SH3TC2: variants seen among roughly 807,000 people sequenced by gnomAD.
SH3TC2 encodes the protein SH3 domain and tetratricopeptide repeats 2.
A neutral mutation model predicts 124.5 loss-of-function variants in SH3TC2; 87 were observed. That is an observed-to-expected ratio of 0.70 (90% CI 0.59 to 0.84). The LOEUF (loss-of-function observed/expected upper bound fraction) is 0.84. Among genes scored for constraint, SH3TC2 ranks in the 40% least tolerant of loss-of-function variants. SH3TC2 has a pLI of 0.00. For missense variants in SH3TC2, 1,536 were observed against 1,566.4 expected (o/e 0.98, Z 0.33); for synonymous variants, 634 against 628.5 (o/e 1.01, Z -0.13).
chr5:149,010,217 T>A (rs1309195977), intron 14 of SH3TC2, 53 bp downstream of exon 14: 1 of 1,613,486 alleles, frequency 6.2e-7, no homozygotes, highest in Admixed American at 1.7e-5. Context: ...AGCCTGACCC[T>A]TCCCATGCCC....
Position 148,990,558 on chromosome 5 carries a change from C to T in SH3TC2, c.*14153G>A, listed in dbSNP as rs1561750593. On this transcript the variant is annotated 3_prime_UTR_variant, in exon 17 of 17. Coordinates refer to ENST00000515425, the MANE Select transcript of SH3TC2 (RefSeq NM_024577.4). ...CCAGATCAATTGAATGCAAATTCTGCCCCTGCTACTCACAAGCTATTGGAC... is the reference window on the plus strand; with the variant it reads ...CCAGATCAATTGAATGCAAATTCTGTCCCTGCTACTCACAAGCTATTGGAC... Among the ~76,000 whole-genome samples, 1 of 152,150 alleles carries T rather than the reference C, an allele frequency of 6.6e-6. No homozygotes were observed. Among genetic ancestry groups the T allele is most frequent in the Non-Finnish European group, 1.5e-5 (1 of 68,026 alleles).
At chr5:149,035,158 G>T (rs191467775) in intron 8 of SH3TC2, among the ~76,000 whole-genome samples, 170 of 152,224 alleles carry the variant, frequency 1.1e-3, no homozygotes, top group African/African-American at 3.7e-3. Flanking sequence ...GTCAAAAATA[G>T]ATTCCACAAG....
rs886060146 is a variant in SH3TC2 at position 148,994,730 on chromosome 5, G to GGATGGATGAATA, written c.*9969_*9980dup. Among the ~76,000 whole-genome samples, 2 of 151,552 alleles carry GGATGGATGAATA rather than the reference G, an allele frequency of 1.3e-5. No individual in the cohort carries two copies. Among genetic ancestry groups the GGATGGATGAATA allele is most frequent in the Non-Finnish European group, 2.9e-5 (2 of 67,906 alleles). ...TGGATGGATGGATGGATGGATGGAT[G>GGATGGATGAATA]GATGGATGAATAGATGGATGAATAG... On this transcript the variant is annotated 3_prime_UTR_variant, in exon 17 of 17. Transcript: ENST00000515425.
chr5:148,984,369 TATTA>T lies in SH3TC2; in HGVS notation c.*20338_*20341del, dbSNP rs1753300356. On this transcript the variant is annotated 3_prime_UTR_variant, in exon 17 of 17. Transcript: ENST00000515425. ...ATTATACATTATAAATATATACAATTATTATTTATCAATTAAAAATACATTTTAA... is the reference window on the plus strand; with the variant it reads ...ATTATACATTATAAATATATACAATTTTTATCAATTAAAAATACATTTTAA... 6.6e-6 allele frequency among the ~76,000 whole-genome samples: 1 copy of T among 152,066 alleles called. No individual in the cohort carries two copies. The highest frequency in any genetic ancestry group is 1.5e-5 in the Non-Finnish European group (1 of 68,020).
intron 16 of SH3TC2, 86 bp from the exon 17 acceptor site, chr5:149,004,988 T>A: frequency 7.1e-7 from 1 of 1,403,764 alleles, no homozygotes; most frequent in Non-Finnish European, 1.0e-6. Flanking sequence ...GCCACTCTAG[T>A]TTTTTTTGTT....
Position 148,992,791 on chromosome 5 carries a change from A to G in SH3TC2, c.*11920T>C, listed in dbSNP as rs990996598. ...TCCCACTGCTCTTTAACTACATCAC[A>G]CTGAGCTAACTCATCCCTGCAACAT... On this transcript the variant is annotated 3_prime_UTR_variant, in exon 17 of 17. Transcript: ENST00000515425. 3.3e-5 allele frequency among the ~76,000 whole-genome samples: 5 copies of G among 152,008 alleles called. No individual in the cohort carries two copies. Among genetic ancestry groups the G allele is most frequent in the African/African-American group, 4.8e-5 (2 of 41,400 alleles).
rs77813804 is a variant in SH3TC2 at position 149,053,084 on chromosome 5, G to A, written c.53-844C>T. On this transcript the variant is annotated intron_variant, in intron 1 of 16. Coordinates refer to ENST00000515425, the MANE Select transcript of SH3TC2 (RefSeq NM_024577.4). Reference sequence around the variant, plus strand: ...GTCAGAATGTGATAAGTATTACCTGGTCCTGAAAAGCAGAGTTAGGGAACC... The same window carrying A: ...GTCAGAATGTGATAAGTATTACCTGATCCTGAAAAGCAGAGTTAGGGAACC... Among the ~76,000 whole-genome samples, 1,509 of 152,176 alleles carry A rather than the reference G, an allele frequency of 9.9e-3. 22 individuals are homozygous for A. The highest frequency in any genetic ancestry group is 0.034 in the African/African-American group (1,428 of 41,510).
intron 2 of SH3TC2, among the ~76,000 whole-genome samples, chr5:149,049,958 T>C (rs889997760): frequency 6.6e-6 from 1 of 152,158 alleles, no homozygotes; most frequent in Non-Finnish European, 1.5e-5. Flanking sequence ...TCATGACTAT[T>C]AACCTTGGCA....
At position 149,002,638 on chromosome 5, in the gene SH3TC2, A is replaced by T. The variant is rs962210443; in HGVS notation, c.*2073T>A. 1.1e-4 allele frequency: 17 copies of T among 152,174 alleles called. No individual in the cohort carries two copies. Among genetic ancestry groups the T allele is most frequent in the African/African-American group, 4.1e-4 (17 of 41,432 alleles). The allele number at this position is 152,174 out of a possible 1,614,324, so 9.4% of individuals were successfully genotyped here. ...CATCTGGTCAGCCCAAGAAGCTAGA[A>T]ATTAAGGGCAGATGGTCTGATAATA... On this transcript the variant is annotated 3_prime_UTR_variant, in exon 17 of 17. Coordinates refer to ENST00000515425, the MANE Select transcript of SH3TC2 (RefSeq NM_024577.4).
At chr5:149,026,412 A>G in intron 12 of SH3TC2, 160 bp downstream of exon 12, 2 of 796,980 alleles carry the variant, frequency 2.5e-6, no homozygotes, top group South Asian at 1.7e-5. Context: ...TACACCACTA[A>G]TAAGTGATGG....
rs1753423384 is a variant in SH3TC2 at position 148,991,783 on chromosome 5, T to C, written c.*12928A>G. ...GTGTCCAACCTGCCCTGAATCACTC[T>C]ATACTCACAACAGAAACAGCTGGTG... On this transcript the variant is annotated 3_prime_UTR_variant, in exon 17 of 17. Coordinates refer to ENST00000515425, the MANE Select transcript of SH3TC2 (RefSeq NM_024577.4). Among the ~76,000 whole-genome samples, 2 of 152,190 alleles carry C rather than the reference T, an allele frequency of 1.3e-5. No individual in the cohort carries two copies. Among genetic ancestry groups the C allele is most frequent in the South Asian group, 4.1e-4 (2 of 4,820 alleles).
chr5:149,028,340 A>G lies in SH3TC2; in HGVS notation c.1392T>C (p.Ala464=). 1 of 1,614,138 alleles carries G rather than the reference A, an allele frequency of 6.2e-7. No individual in the cohort carries two copies. The highest frequency in any genetic ancestry group is 8.5e-7 in the Non-Finnish European group (1 of 1,180,032). ...MDLSTGQEEE[A]ENFAPILAFL... is the part of the protein sequence containing the mutation. Reference sequence around the variant, plus strand: ...AAGCCAATATGGGGGCGAAGTTCTCAGCCTCCTCCTCCTGACCAGTGCTTA... The same window carrying G: ...AAGCCAATATGGGGGCGAAGTTCTCGGCCTCCTCCTCCTGACCAGTGCTTA... Residue 464 remains alanine, a synonymous_variant, in exon 11 of 17, where the codon GCT becomes GCC. Transcript: ENST00000515425.
rs1463859150 is a variant in SH3TC2, at chr5:149,027,204, C to T, written c.2528G>A (p.Gly843Glu). Residue 843 changes from glycine (G) to glutamate (E), a missense_variant, in exon 11 of 17, where the codon GGA becomes GAA. By Grantham distance (98) the Gly-to-Glu change is moderately conservative (BLOSUM62 -2). Around this residue, in one of 3 missense-constraint regions of SH3TC2, gnomAD observed 1,102 missense variants for 1,098.6 expected, o/e 1.00. Transcript: ENST00000515425. ...CCGGCCTTCACCTTGGAGTGCAAGT[C>T]CCAGGAGGTTATAGATGACTCCCCT... ...TQRGVIYNLL[G>E]LALQGEGRVN... 1.9e-6 allele frequency: 3 copies of T among 1,614,096 alleles called. No homozygotes were observed. The highest frequency in any genetic ancestry group is 2.5e-6 in the Non-Finnish European group (3 of 1,180,044).
intron 8 of SH3TC2, among the ~76,000 whole-genome samples, chr5:149,032,526 C>T (rs1297117261): frequency 1.3e-5 from 2 of 152,170 alleles, no homozygotes; most frequent in Non-Finnish European, 2.9e-5. Context: ...ACAAAATTAA[C>T]TTGGAAGCCC....
At chr5:149,061,971 A>C (rs556870240) in intron 1 of SH3TC2, among the ~76,000 whole-genome samples, 50 of 152,214 alleles carry the variant, frequency 3.3e-4, no homozygotes, top group African/African-American at 1.2e-3. Context: ...GAGGAAGCAG[A>C]ATATGGTTGT....
intron 1 of SH3TC2, among the ~76,000 whole-genome samples, chr5:149,060,688 G>C (rs1754731201): frequency 6.6e-6 from 1 of 152,148 alleles, no homozygotes; most frequent in Non-Finnish European, 1.5e-5. Context: ...TAAGGAATTA[G>C]GAGGAAGTGA....
Position 149,027,646 on chromosome 5 carries a change from G to A in SH3TC2, c.2086C>T (p.His696Tyr). 6.2e-7 allele frequency: 1 copy of A among 1,614,264 alleles called. No homozygotes were observed. Among genetic ancestry groups the A allele is most frequent in the Non-Finnish European group, 8.5e-7 (1 of 1,180,040 alleles). ...ATCCCTTGGGCACTCTGGATACCAT[G>A]TTGCTGGACAGAGGCCACTGCAAGG... ...PHLAVASVQQ[H>Y]GIQSAQGMSL... is the part of the protein sequence containing the mutation. The change falls in exon 11 of 17, where the codon CAT becomes TAT. Residue 696 changes from histidine to tyrosine, a missense_variant. By Grantham distance (83) the His-to-Tyr change is moderately conservative (BLOSUM62 2). This residue lies in a region of SH3TC2 where 1,102 missense variants were observed against 1,098.6 expected (regional missense o/e 1.00). Coordinates refer to ENST00000515425, the MANE Select transcript of SH3TC2 (RefSeq NM_024577.4).
chr5:149,016,870 A>G (rs1307566574), intron 12 of SH3TC2, among the ~76,000 whole-genome samples: 5 of 149,916 alleles, frequency 3.3e-5, no homozygotes, highest in African/African-American at 1.2e-4. Flanking sequence ...GGTTGCAGTG[A>G]GCCGAGATCA....
In SH3TC2 at chr5:149,027,188, A is replaced by C. The variant is rs2127397099; in HGVS notation, c.2544T>G (p.Gly848=). 6.2e-7 allele frequency: 1 copy of C among 1,614,164 alleles called. No individual in the cohort carries two copies. Among genetic ancestry groups the C allele is most frequent in the East Asian group, 2.2e-5 (1 of 44,876 alleles). Residue 848 remains glycine (G), a synonymous_variant, in exon 11 of 17, where the codon GGT becomes GGG. Coordinates refer to ENST00000515425, the MANE Select transcript of SH3TC2 (RefSeq NM_024577.4). ...TGGCTGCCCTGTTCACCCGGCCTTC[A>C]CCTTGGAGTGCAAGTCCCAGGAGGT... is the stretch of plus-strand genomic sequence containing the variant. ...IYNLLGLALQ[G]EGRVNRAAKS... is the part of the protein sequence containing the mutation.
Sources: gnomAD v4.1 joint callset for allele counts (sites outside exome capture counted in the v4.1 genomes callset) on GRCh38, gnomAD v4.1.1 for gene constraint, gnomAD v4.1.1 regional missense constraint, MANE v1.5 for transcripts, NCBI Gene and HGNC (gene_info 2026-07-23, HGNC 2026-07-21) for gene names.